Variants in CENPC observed in about 807,000 individuals in gnomAD.
CENPC encodes the protein CENP-C 1.
A neutral mutation model predicts 112.1 loss-of-function variants in CENPC; 63 were observed. The ratio of observed to expected loss-of-function variants is 0.56; its 90% CI spans 0.46 to 0.69. The LOEUF (loss-of-function observed/expected upper bound fraction) is 0.69, where lower values mean the gene tolerates loss of function less well. Ranked by LOEUF, CENPC falls within the 30% of genes least tolerant of loss-of-function variation. The pLI is 0.00. For missense variants in CENPC, 1,000 were observed against 1,103.8 expected, an observed-to-expected ratio of 0.91 and a Z score of 1.33; for synonymous variants, 333 against 367.6, an observed-to-expected ratio of 0.91 and a Z score of 1.08.
chr4:67,489,495 T>A (rs1725181809), intron 17 of CENPC, among the ~76,000 whole-genome samples: 1 of 152,086 alleles, frequency 6.6e-6, no homozygotes, highest in South Asian at 2.1e-4. Context: ...CAGGTTACTG[T>A]TTTATTGATA....
intron 12 of CENPC, among the ~76,000 whole-genome samples, chr4:67,504,788 C>T (rs1725688381): frequency 6.6e-6 from 1 of 151,812 alleles, no homozygotes; most frequent in Non-Finnish European, 1.5e-5. Context: ...CACCACTGCA[C>T]TCCAGCCTGG....
intron 5 of CENPC, among the ~76,000 whole-genome samples, chr4:67,522,250 T>G (rs1726249320): frequency 6.6e-6 from 1 of 152,216 alleles, no homozygotes; most frequent in African/African-American, 2.4e-5. Flanking sequence ...AATTCGTTGT[T>G]TCAGTTACCA....
chr4:67,521,022 CAAATAAAT>C lies in CENPC; in HGVS notation c.332-1528_332-1521del, dbSNP rs79427742. On this transcript the variant is annotated intron_variant, in intron 5 of 18. Transcript: ENST00000273853. ...GCAAGACTCTGTCTCAAAAAATAAACAAATAAATAAATAAATAAATAAATAAATAAATA... is the reference window on the plus strand; with the variant it reads ...GCAAGACTCTGTCTCAAAAAATAAACAAATAAATAAATAAATAAATAAATA... Among the ~76,000 whole-genome samples, 619 of 150,116 alleles carry C rather than the reference CAAATAAAT, an allele frequency of 4.1e-3. 4 individuals are homozygous for C. The highest frequency in any genetic ancestry group is 0.014 in the African/African-American group (560 of 41,018).
intron 4 of CENPC, among the ~76,000 whole-genome samples, chr4:67,531,522 G>A (rs1360950478): frequency 6.6e-6 from 1 of 152,184 alleles, no homozygotes; most frequent in African/African-American, 2.4e-5. Context: ...AGCCTGCCTA[G>A]ACTGTTTGTA....
chr4:67,520,793 C>T (rs1017534704), intron 5 of CENPC, among the ~76,000 whole-genome samples: 5 of 152,154 alleles, frequency 3.3e-5, no homozygotes, highest in Admixed American at 2.6e-4. Context: ...GGGTGGATCA[C>T]TGGAGGCCAG....
chr4:67,533,400 T>A (rs1285673416), intron 4 of CENPC, among the ~76,000 whole-genome samples: 1 of 152,196 alleles, frequency 6.6e-6, no homozygotes, highest in Non-Finnish European at 1.5e-5. Context: ...AGGAATGTTT[T>A]TATCAGCAGT....
intron 17 of CENPC, among the ~76,000 whole-genome samples, chr4:67,486,722 C>A (rs914035318): frequency 6.6e-6 from 1 of 152,166 alleles, no homozygotes; most frequent in African/African-American, 2.4e-5. Flanking sequence ...AGTATCTAAT[C>A]AAAAATGTTA....
At chr4:67,491,527 A>AGAGAGAGAGAGC (rs1433475806) in intron 16 of CENPC, among the ~76,000 whole-genome samples, 5 of 126,406 alleles carry the variant, frequency 4.0e-5, no homozygotes, top group Non-Finnish European at 6.7e-5. Context: ...AGAGAGAGAG[A>AGAGAGAGAGAGC]GCCTGGTTGT....
At chr4:67,480,238 G>A (rs1724915938) in intron 17 of CENPC, among the ~76,000 whole-genome samples, 1 of 152,124 alleles carries the variant, frequency 6.6e-6, no homozygotes, top group Non-Finnish European at 1.5e-5. Flanking sequence ...AGAATCACTT[G>A]AACCTGGGAG....
At chr4:67,498,547 G>A in intron 12 of CENPC, among the ~76,000 whole-genome samples, 1 of 152,068 alleles carries the variant, frequency 6.6e-6, no homozygotes, top group East Asian at 1.9e-4. Flanking sequence ...TCATTTCAAG[G>A]GTTCACAACA....
At chr4:67,517,057 C>T (rs940166378) in intron 7 of CENPC, among the ~76,000 whole-genome samples, 3 of 151,960 alleles carry the variant, frequency 2.0e-5, no homozygotes, top group Non-Finnish European at 4.4e-5. Flanking sequence ...TGACAATATC[C>T]ATATGAGGTT....
intron 17 of CENPC, among the ~76,000 whole-genome samples, chr4:67,475,734 G>C (rs1258894801): frequency 6.6e-6 from 1 of 152,168 alleles, no homozygotes; most frequent in Non-Finnish European, 1.5e-5. Flanking sequence ...GAGTAGCTGG[G>C]ACTACAGGCG....
Position 67,490,054 on chromosome 4 carries a change from T to C in CENPC, c.2583A>G (p.Thr861=), listed in dbSNP as rs112493476. ...CAGTAGAAAAAAAGGGTGTATCCAA[T>C]GTCTTGTATACCTTCAACTCACCAT... ...VKHGELKVYK[T]LDTPFFSTGK... Residue 861 remains threonine (T), a synonymous_variant, in exon 17 of 19, where the codon ACA becomes ACG. Coordinates refer to ENST00000273853, the MANE Select transcript of CENPC (RefSeq NM_001812.4). The C allele has an allele frequency of 1.4e-4, 220 of 1,609,586 alleles. No homozygotes were observed. The African/African-American group carries it at 2.3e-3, about 16-fold the overall frequency.
At chr4:67,534,346 G>C (rs2646267) in intron 4 of CENPC, among the ~76,000 whole-genome samples, 1 of 151,344 alleles carries the variant, frequency 6.6e-6, no homozygotes, top group African/African-American at 2.4e-5. Flanking sequence ...AACCCGGGAG[G>C]CAGAGATTGC....
At chr4:67,539,988 G>A in intron 3 of CENPC, 54 bp from the exon 4 acceptor site, 2 of 907,530 alleles carry the variant, frequency 2.2e-6, no homozygotes, top group Non-Finnish European at 3.2e-6. Flanking sequence ...ATATCTATTA[G>A]TCACAATTAA....
At chr4:67,542,102 C>T (rs1560446857) in intron 2 of CENPC, among the ~76,000 whole-genome samples, 1 of 152,282 alleles carries the variant, frequency 6.6e-6, no homozygotes, top group East Asian at 1.9e-4. Flanking sequence ...TGAAGAACAT[C>T]TGGATTTCAA....
intron 10 of CENPC, among the ~76,000 whole-genome samples, chr4:67,507,315 T>C (rs1178982461): frequency 1.3e-5 from 2 of 152,122 alleles, no homozygotes; most frequent in African/African-American, 2.4e-5. Flanking sequence ...TGAGGGGCAA[T>C]AGGGTCCTCA....
At position 67,487,240 on chromosome 4, in the gene CENPC, T is replaced by G. The variant is rs183520024; in HGVS notation, c.2670+2727A>C. Among the ~76,000 whole-genome samples, 162 of 152,036 alleles carry G rather than the reference T, an allele frequency of 1.1e-3. 7 individuals are homozygous for G. Among genetic ancestry groups the G allele is most frequent in the African/African-American group, 3.6e-3 (148 of 41,386 alleles). On this transcript the variant is annotated intron_variant, in intron 17 of 18. Coordinates refer to ENST00000273853, the MANE Select transcript of CENPC (RefSeq NM_001812.4). ...ATTATTTGATTACCTAATAGCACAG[T>G]TTATATAGAAAAGGCAGAATCAGTT...
intron 2 of CENPC, among the ~76,000 whole-genome samples, chr4:67,541,436 A>C (rs1726887728): frequency 6.6e-6 from 1 of 152,174 alleles, no homozygotes; most frequent in Non-Finnish European, 1.5e-5. Context: ...AAATTCTCAA[A>C]TGCATTTCTA....
Sources: gnomAD v4.1 joint callset for allele counts (sites outside exome capture counted in the v4.1 genomes callset) on GRCh38, gnomAD v4.1.1 for gene constraint, MANE v1.5 for transcripts, NCBI Gene and HGNC (gene_info 2026-07-23, HGNC 2026-07-21) for gene names.